The following NR6A1 variants were observed in gnomAD, a reference collection of about 807,000 sequenced individuals.
The protein encoded by NR6A1 is nuclear receptor subfamily 6 group A member 1.
NR6A1 carries 7 observed loss-of-function variants against 59.1 expected under a neutral mutation model. That is an observed-to-expected ratio of 0.12 (90% CI 0.07 to 0.22). The LOEUF is 0.22. Among genes scored for constraint, NR6A1 ranks in the 10% least tolerant of loss-of-function variants. The pLI is 1.00. For missense variants in NR6A1, 468 were observed against 611.6 expected (o/e 0.77, Z 2.48); for synonymous variants, 243 against 236.1 (o/e 1.03, Z -0.27).
At chr9:124,615,337 C>T (rs1032960693) in intron 2 of NR6A1, among the ~76,000 whole-genome samples, 4 of 152,102 alleles carry the variant, frequency 2.6e-5, no homozygotes, top group Non-Finnish European at 5.9e-5. Context: ...TGAGAGGAAA[C>T]TGGAGTAGGC....
At position 124,586,554 on chromosome 9, in the gene NR6A1, T is replaced by G. The variant is rs546852072; in HGVS notation, c.143-31984A>C. 5.5e-3 allele frequency among the ~76,000 whole-genome samples: 839 copies of G among 152,116 alleles called. 6 individuals carry two copies. The highest frequency in any genetic ancestry group is 0.019 in the African/African-American group (797 of 41,494). ...TCCATCTCCTGGGCTCAAGCAATCC[T>G]CCTGCCTCAGTCTGCCAAGTAGCTG... is the stretch of plus-strand genomic sequence containing the variant. On this transcript the variant is annotated intron_variant, in intron 2 of 9. Transcript: ENST00000487099.
intron 2 of NR6A1, among the ~76,000 whole-genome samples, chr9:124,591,977 A>C (rs1835136827): frequency 1.3e-5 from 2 of 152,192 alleles, no homozygotes; most frequent in Admixed American, 1.3e-4. Flanking sequence ...TTGCAAATAG[A>C]TTAATTTCCT....
Position 124,540,120 on chromosome 9 carries a change from C to G in NR6A1, c.509G>C (p.Ser170Thr). The G allele has an allele frequency of 1.2e-6, 2 of 1,614,064 alleles. No homozygotes were observed. The highest frequency in any genetic ancestry group is 1.7e-6 in the Non-Finnish European group (2 of 1,179,964). ...QEFEEEANHW[S>T]NHGDSDHSSP... ...ACTGTGGTCACTATCACCATGGTTG[C>G]TCCAGTGATTGGCCTCTTCCTCAAA... The change falls in exon 5 of 10, where the codon AGC (serine) becomes ACC (threonine). Residue 170 changes from serine to threonine, a missense_variant. Coordinates refer to ENST00000487099, the MANE Select transcript of NR6A1 (RefSeq NM_033334.4).
At chr9:124,601,982 GC>G (rs1835465266) in intron 2 of NR6A1, among the ~76,000 whole-genome samples, 1 of 152,090 alleles carries the variant, frequency 6.6e-6, no homozygotes, top group South Asian at 2.1e-4. Flanking sequence ...ACAACCAAAT[GC>G]AATATATGTA....
chr9:124,555,717 C>G (rs1588663060), intron 2 of NR6A1, among the ~76,000 whole-genome samples: 1 of 152,186 alleles, frequency 6.6e-6, no homozygotes, highest in African/African-American at 2.4e-5. Context: ...CTGAAACTAG[C>G]TGGGTGAACT....
At chr9:124,545,039 C>G (rs746475180) in intron 3 of NR6A1, among the ~76,000 whole-genome samples, 5 of 152,184 alleles carry the variant, frequency 3.3e-5, no homozygotes, top group Non-Finnish European at 7.3e-5. Flanking sequence ...GTTCCCCAGG[C>G]AGGGACTGAT....
At chr9:124,603,081 A>G (rs1835489015) in intron 2 of NR6A1, among the ~76,000 whole-genome samples, 2 of 152,060 alleles carry the variant, frequency 1.3e-5, no homozygotes, top group Admixed American at 1.3e-4. Flanking sequence ...CCAGACTTAA[A>G]CTCAAAGTCA....
chr9:124,612,397 G>A (rs1277657202), intron 2 of NR6A1, among the ~76,000 whole-genome samples: 3 of 152,212 alleles, frequency 2.0e-5, no homozygotes, highest in Non-Finnish European at 4.4e-5. Context: ...TTCCAGGACT[G>A]AGAGGAGACC....
chr9:124,683,216 A>G lies in NR6A1; in HGVS notation c.142+50092T>C, dbSNP rs567941648. Among the ~76,000 whole-genome samples, 172 of 151,444 alleles carry G rather than the reference A, an allele frequency of 1.1e-3. 1 individual carries two copies. Among genetic ancestry groups the G allele is most frequent in the African/African-American group, 3.8e-3 (156 of 41,096 alleles). On this transcript the variant is annotated intron_variant, in intron 2 of 9. Transcript: ENST00000487099. ...GACCCTCCAAGACAGAAAAGAAAAG[A>G]AAGGAAGGGAAAGGGAAAGGGAAAA... is the stretch of plus-strand genomic sequence containing the variant.
intron 2 of NR6A1, among the ~76,000 whole-genome samples, chr9:124,633,967 A>G (rs1408152762): frequency 6.6e-6 from 1 of 152,258 alleles, no homozygotes; most frequent in Non-Finnish European, 1.5e-5. Flanking sequence ...CAGACAATAC[A>G]GTACTTTATA....
chr9:124,598,702 G>C (rs993337540), intron 2 of NR6A1: 1 of 574,152 alleles, frequency 1.7e-6, no homozygotes, highest in Non-Finnish European at 2.8e-6. Flanking sequence ...AAAATAAGAC[G>C]ATTTATTGTT....
chr9:124,663,834 T>A (rs1588757666), intron 2 of NR6A1, among the ~76,000 whole-genome samples: 1 of 152,336 alleles, frequency 6.6e-6, no homozygotes, highest in South Asian at 2.1e-4. Context: ...AAAGTATTAT[T>A]TGAAAAGTGA....
chr9:124,702,159 T>A (rs1419920047), intron 2 of NR6A1, among the ~76,000 whole-genome samples: 1 of 152,252 alleles, frequency 6.6e-6, no homozygotes, highest in Non-Finnish European at 1.5e-5. Context: ...TTATGGCTTG[T>A]GCCACTGGTG....
At chr9:124,599,126 C>CT (rs1170016453) in intron 2 of NR6A1, 1 of 666,938 alleles carries the variant, frequency 1.5e-6, no homozygotes, top group African/African-American at 1.8e-5. Context: ...TGCGGCAAAT[C>CT]ACAGTTTCGC....
chr9:124,683,730 T>C (rs966163745), intron 2 of NR6A1, among the ~76,000 whole-genome samples: 1 of 152,016 alleles, frequency 6.6e-6, no homozygotes, highest in East Asian at 1.9e-4. Context: ...GAGGTGGAGG[T>C]TGCAGTGAGC....
Position 124,640,946 on chromosome 9 carries a change from G to C in NR6A1, c.143-86376C>G, listed in dbSNP as rs531252765. ...TTACAACAGCAGTCCCTATAGACAA[G>C]CTAAAATAAGAAGTTAAGAAACTGA... On this transcript the variant is annotated intron_variant, in intron 2 of 9. Transcript: ENST00000487099. Among the ~76,000 whole-genome samples the C allele has an allele frequency of 6.6e-5, 10 of 152,212 alleles. No individual in the cohort carries two copies. In the Middle Eastern group the frequency reaches 0.01, roughly 155 times the overall value.
At chr9:124,538,059 T>C (rs989864726) in intron 6 of NR6A1, 33 bp downstream of exon 6, 29 of 1,565,802 alleles carry the variant, frequency 1.9e-5, no homozygotes, top group Non-Finnish European at 2.5e-5. Context: ...ACTTTGAGAC[T>C]GCAAGGGGCC....
chr9:124,542,398 C>G (rs555878479), intron 4 of NR6A1, among the ~76,000 whole-genome samples: 1 of 152,204 alleles, frequency 6.6e-6, no homozygotes, highest in African/African-American at 2.4e-5. Flanking sequence ...TAAGACAACT[C>G]CGAACACCTT....
intron 2 of NR6A1, among the ~76,000 whole-genome samples, chr9:124,603,007 C>T (rs1835487363): frequency 6.6e-6 from 1 of 152,208 alleles, no homozygotes; most frequent in South Asian, 2.1e-4. Flanking sequence ...CTCCCACTTA[C>T]TAATCTTACT....
Sources: allele counts gnomAD v4.1 joint callset (sites outside exome capture counted in the v4.1 genomes callset), GRCh38; gene constraint gnomAD v4.1.1; transcripts MANE v1.5; gene names NCBI Gene and HGNC (gene_info 2026-07-23, HGNC 2026-07-21).